The following ZP3 variants were observed in gnomAD, a reference collection of about 807,000 sequenced individuals.
The protein encoded by ZP3 is zona pellucida sperm-binding protein 3.
A neutral mutation model predicts 35.6 loss-of-function variants in ZP3; 21 were observed. The ratio of observed to expected loss-of-function variants is 0.59; its 90% confidence interval spans 0.42 to 0.85. The LOEUF is 0.85. Among genes scored for constraint, ZP3 ranks in the 40% least tolerant of loss-of-function variants. The pLI, the probability that ZP3 is intolerant of heterozygous loss-of-function variation, is 0.00. For missense variants in ZP3, 437 were observed against 536.5 expected (o/e 0.81, Z 1.83); for synonymous variants, 207 against 214.5 (o/e 0.96, Z 0.31).
chr7:76,431,199 G>A (rs988853123), intron 2 of ZP3, among the ~76,000 whole-genome samples: 4 of 152,172 alleles, frequency 2.6e-5, no homozygotes, highest in Non-Finnish European at 4.4e-5. Flanking sequence ...AGCAGTTGGA[G>A]GAGCTTGGTG....
intron 5 of ZP3, among the ~76,000 whole-genome samples, chr7:76,436,629 G>A (rs1230472079): frequency 2.0e-5 from 3 of 152,362 alleles, no homozygotes; most frequent in African/African-American, 7.2e-5. Context: ...TAATATTGAT[G>A]AGATGGCCTG....
chr7:76,438,522 GAC>G (rs1423736077), intron 5 of ZP3, among the ~76,000 whole-genome samples: 2 of 127,894 alleles, frequency 1.6e-5, no homozygotes, highest in African/African-American at 3.0e-5. Flanking sequence ...CTGGACTAGA[GAC>G]AGACTCCGTC....
At chr7:76,404,929 G>A (rs191032872) in intron 1 of ZP3, among the ~76,000 whole-genome samples, 206 of 151,712 alleles carry the variant, frequency 1.4e-3, no homozygotes, top group South Asian at 3.8e-3. Context: ...CATTTGCCAG[G>A]TGTGGTGGAG....
At position 76,425,065 on chromosome 7, in the gene ZP3, A is replaced by G. The variant is rs774455291; in HGVS notation, c.101A>G (p.His34Arg). Residue 34 changes from histidine (H) to arginine (R), a missense_variant, in exon 1 of 8, where the codon CAT (histidine) becomes CGT (arginine). His to Arg is a conservative substitution (Grantham distance 29, BLOSUM62 0). Coordinates refer to ENST00000394857, the MANE Select transcript of ZP3 (RefSeq NM_001110354.2). Reference sequence around the variant, plus strand: ...TGGCTCTTGCAGGGTGGAGCCAGCCATCCTGAGACGTCCGTACAGCCCGTA... The same window carrying G: ...TGGCTCTTGCAGGGTGGAGCCAGCCGTCCTGAGACGTCCGTACAGCCCGTA... ...PLWLLQGGAS[H>R]PETSVQPVLV... The G allele has an allele frequency of 1.9e-6, 3 of 1,612,750 alleles. No homozygotes were observed. Among genetic ancestry groups the G allele is most frequent in the Admixed American group, 1.7e-5 (1 of 59,806 alleles).
upstream of ZP3, among the ~76,000 whole-genome samples, chr7:76,424,617 A>G (rs992875304): frequency 2.0e-5 from 3 of 152,336 alleles, no homozygotes; most frequent in Non-Finnish European, 4.4e-5. Flanking sequence ...AGCCTGGACA[A>G]CAGAGTGAGA....
At chr7:76,399,978 G>A (rs1313576757) in intron 1 of ZP3, among the ~76,000 whole-genome samples, 1 of 152,136 alleles carries the variant, frequency 6.6e-6, no homozygotes, top group Non-Finnish European at 1.5e-5. Context: ...ACCAAACAGT[G>A]AGACCTCATC....
chr7:76,438,057 A>G (rs1448856877), intron 5 of ZP3, among the ~76,000 whole-genome samples: 13 of 152,370 alleles, frequency 8.5e-5, no homozygotes, highest in Non-Finnish European at 4.4e-5. Context: ...CTTGGCCACT[A>G]GGTGGTGACT....
At chr7:76,407,293 A>T (rs1017759128) in intron 1 of ZP3, among the ~76,000 whole-genome samples, 2 of 151,568 alleles carry the variant, frequency 1.3e-5, no homozygotes, top group African/African-American at 4.8e-5. Context: ...CAAGTGTGGC[A>T]GCTTACTCCT....
At chr7:76,422,854 C>T (rs527920253), upstream of ZP3, among the ~76,000 whole-genome samples, 13 of 149,078 alleles carry the variant, frequency 8.7e-5, 1 homozygote, top group South Asian at 2.4e-3. Context: ...AAAAGTTAGC[C>T]GGGCATGGTG....
intron 1 of ZP3, among the ~76,000 whole-genome samples, chr7:76,418,238 AT>A (rs1216742453): frequency 6.6e-6 from 1 of 151,894 alleles, no homozygotes; most frequent in Non-Finnish European, 1.5e-5. Flanking sequence ...GAATAGTGCT[AT>A]TTTTTTAAAA....
chr7:76,428,164 T>TA (rs71521125), intron 1 of ZP3, among the ~76,000 whole-genome samples: 1,411 of 133,946 alleles, frequency 0.011, 9 homozygotes, highest in South Asian at 0.015. Context: ...TGTCTCTATT[T>TA]AAAAAAAAAA....
chr7:76,425,939 C>T (rs1307029064), intron 1 of ZP3, among the ~76,000 whole-genome samples: 1 of 149,992 alleles, frequency 6.7e-6, no homozygotes, highest in African/African-American at 2.5e-5. Context: ...AAAAATTAGC[C>T]AGGCATGGTG....
chr7:76,408,585 C>T (rs1044001193), intron 1 of ZP3, among the ~76,000 whole-genome samples: 1 of 152,190 alleles, frequency 6.6e-6, no homozygotes, highest in Non-Finnish European at 1.5e-5. Flanking sequence ...TTCCCCACCT[C>T]TATCCCCTGC....
intron 1 of ZP3, among the ~76,000 whole-genome samples, chr7:76,411,462 GC>G (rs1424299878): frequency 6.6e-6 from 1 of 152,086 alleles, no homozygotes; most frequent in Non-Finnish European, 1.5e-5. Context: ...TCAGTTACTT[GC>G]AAGGCTGAGG....
chr7:76,405,835 A>T (rs1258492649), intron 1 of ZP3, among the ~76,000 whole-genome samples: 1 of 151,898 alleles, frequency 6.6e-6, no homozygotes, highest in Non-Finnish European at 1.5e-5. Context: ...CAGCCCAAGG[A>T]CTCAGAGATT....
At chr7:76,406,493 TA>T (rs1805037199) in intron 1 of ZP3, among the ~76,000 whole-genome samples, 1 of 152,018 alleles carries the variant, frequency 6.6e-6, no homozygotes, top group African/African-American at 2.4e-5. Flanking sequence ...TTTTATTTTT[TA>T]TTTTTTACAG....
At chr7:76,417,622 T>C (rs1476666632) in intron 1 of ZP3, among the ~76,000 whole-genome samples, 4 of 151,700 alleles carry the variant, frequency 2.6e-5, no homozygotes, top group Admixed American at 2.6e-4. Context: ...TTCTTTTTTT[T>C]TTTTTCGAGA....
At chr7:76,416,800 C>T (rs897559798) in intron 1 of ZP3, among the ~76,000 whole-genome samples, 20 of 137,926 alleles carry the variant, frequency 1.5e-4, no homozygotes, top group African/African-American at 5.4e-4. Context: ...TGCTGTCTCT[C>T]TCTCTCTCTC....
chr7:76,425,452 C>T (rs1048234114), intron 1 of ZP3, among the ~76,000 whole-genome samples, 176 bp downstream of exon 1: 2 of 152,160 alleles, frequency 1.3e-5, no homozygotes, highest in Non-Finnish European at 2.9e-5. Flanking sequence ...CCCAGGGCAG[C>T]TCCTGCCTCT....
Sources: gnomAD v4.1 joint callset for allele counts (sites outside exome capture counted in the v4.1 genomes callset) on GRCh38, gnomAD v4.1.1 for gene constraint, MANE v1.5 for transcripts, NCBI Gene and HGNC (gene_info 2026-07-23, HGNC 2026-07-21) for gene names.